ANKFY1: variants seen among roughly 807,000 people sequenced by gnomAD.
The protein encoded by ANKFY1 is ankyrin repeat and FYVE domain containing 1.
ANKFY1 carries 47 observed loss-of-function variants against 128.3 expected under a neutral mutation model. That is an observed-to-expected ratio of 0.37 (90% CI 0.29 to 0.47). The LOEUF is 0.47. ANKFY1 is among the 20% of genes least tolerant of loss of function. ANKFY1 has a pLI of 1.00. For synonymous variants in ANKFY1, 553 were observed against 601.6 expected (o/e 0.92, Z 1.18); for missense variants, 1,222 against 1,510.6 (o/e 0.81, Z 3.17).
intron 3 of ANKFY1, among the ~76,000 whole-genome samples, chr17:4,231,924 G>T (rs2060518696): frequency 6.8e-6 from 1 of 146,838 alleles, no homozygotes; most frequent in Non-Finnish European, 1.5e-5. Flanking sequence ...GTGACAGAGT[G>T]AAATCCTGTT....
Position 4,242,308 on chromosome 17 carries a change from T to A in ANKFY1, c.151A>T (p.Ile51Phe), listed in dbSNP as rs1470032386. 6.3e-7 allele frequency: 1 copy of A among 1,595,186 alleles called. No individual in the cohort carries two copies. The highest frequency in any genetic ancestry group is 1.1e-5 in the South Asian group (1 of 88,186). The change falls in exon 2 of 25, where the codon ATC (isoleucine) becomes TTC (phenylalanine). Residue 51 changes from isoleucine to phenylalanine, a missense_variant. Transcript: ENST00000341657. ...ANKESSSESFISRLLAIVADL... is the reference protein window; with the variant it reads ...ANKESSSESFFSRLLAIVADL... ...GCCACGATGGCCAGCAGACGGCTGA[T>A]GAAGGACTCGCTGCTGCTCTCCTTG... is the stretch of plus-strand genomic sequence containing the variant.
chr17:4,233,464 C>A lies in ANKFY1; in HGVS notation c.322+2308G>T, dbSNP rs547145346. On this transcript the variant is annotated intron_variant, in intron 3 of 24. Coordinates refer to ENST00000341657, the MANE Select transcript of ANKFY1 (RefSeq NM_001330063.2). The stretch of plus-strand genomic sequence containing the variant: ...CCAGGCAAATGTTTTTAGTTACTGG[C>A]ATGCAGGCATCTGCACATGTGTAGG... Among the ~76,000 whole-genome samples, 10 of 152,190 alleles carry A rather than the reference C, an allele frequency of 6.6e-5. No homozygotes were observed. The South Asian group carries it at 2.1e-3, about 32-fold the overall frequency.
chr17:4,198,011 C>G (rs1044201413), intron 7 of ANKFY1, among the ~76,000 whole-genome samples: 5 of 152,124 alleles, frequency 3.3e-5, no homozygotes, highest in African/African-American at 9.7e-5. Flanking sequence ...CGCCTGTAAT[C>G]CCAGCTACTT....
intron 1 of ANKFY1, among the ~76,000 whole-genome samples, chr17:4,244,651 C>T (rs1024868708): frequency 6.6e-6 from 1 of 152,094 alleles, no homozygotes; most frequent in Admixed American, 6.5e-5. Flanking sequence ...GAAAACTGAG[C>T]TACTGCCAAT....
chr17:4,255,116 G>A (rs890691976), intron 1 of ANKFY1, among the ~76,000 whole-genome samples: 2 of 151,808 alleles, frequency 1.3e-5, no homozygotes, highest in African/African-American at 2.4e-5. Context: ...AGCCACTCCA[G>A]TTCTAACCCA....
At chr17:4,208,151 G>T in intron 5 of ANKFY1, 69 bp from the exon 6 acceptor site, 1 of 1,480,726 alleles carries the variant, frequency 6.8e-7, no homozygotes, top group East Asian at 2.4e-5. Context: ...CATTTAGCAA[G>T]CCTCTCAAAT....
At chr17:4,200,073 TG>T (rs199745811) in intron 7 of ANKFY1, among the ~76,000 whole-genome samples, 197 of 150,566 alleles carry the variant, frequency 1.3e-3, no homozygotes, top group Non-Finnish European at 1.3e-3. Context: ...ATTTTTTTTT[TG>T]TTTTTGAGAC....
chr17:4,181,208 A>G lies in ANKFY1; in HGVS notation c.2240+46T>C, dbSNP rs1201224732. ...TTAAAAAGGAAAGAGCCAGTTTGCA[A>G]CAAGCTCACTAAAAAGCTGTGGAGA... On this transcript the variant is annotated intron_variant, in intron 16 of 24. Coordinates refer to ENST00000341657, the MANE Select transcript of ANKFY1 (RefSeq NM_001330063.2). This position sits in a 1 kb window ranked among gnomAD's most constrained non-coding sequence, Gnocchi z 4.9. 6.7e-7 allele frequency: 1 copy of G among 1,502,604 alleles called. No individual in the cohort carries two copies. Among genetic ancestry groups the G allele is most frequent in the South Asian group, 1.1e-5 (1 of 88,662 alleles). 93.1% of individuals were successfully genotyped at this position (1,502,604 alleles called of 1,614,324 possible). A position where few individuals can be genotyped will look rare whatever the true frequency, so the allele number is the denominator to read the frequency against.
chr17:4,172,173 C>T (rs1250903033), intron 22 of ANKFY1, among the ~76,000 whole-genome samples: 4 of 152,080 alleles, frequency 2.6e-5, no homozygotes, highest in Admixed American at 6.5e-5. Flanking sequence ...CAGAGCATGC[C>T]GACACATGAT....
intron 1 of ANKFY1, among the ~76,000 whole-genome samples, chr17:4,251,443 G>C (rs1324161241): frequency 2.0e-5 from 3 of 150,852 alleles, no homozygotes; most frequent in African/African-American, 7.3e-5. Context: ...CCATCTTCCT[G>C]TCTCTTTAAA....
chr17:4,222,176 C>CGCTGCT (rs1025654891), intron 3 of ANKFY1: 1 of 148,292 alleles, frequency 6.7e-6, no homozygotes, highest in Non-Finnish European at 1.5e-5. Flanking sequence ...CCGCCGCCGC[C>CGCTGCT]GCTGCTGCTA....
At chr17:4,231,747 C>A (rs1598117321) in intron 3 of ANKFY1, among the ~76,000 whole-genome samples, 1 of 151,830 alleles carries the variant, frequency 6.6e-6, no homozygotes, top group Admixed American at 6.6e-5. Context: ...GAGTTCAAGA[C>A]CAGCCTGGGC....
intron 11 of ANKFY1, among the ~76,000 whole-genome samples, chr17:4,186,123 G>A (rs2059606573): frequency 6.6e-6 from 1 of 152,146 alleles, no homozygotes; most frequent in Non-Finnish European, 1.5e-5. Flanking sequence ...ACACACGTAT[G>A]CACACACACA....
chr17:4,179,587 G>A (rs2059472291), intron 17 of ANKFY1, 134 bp downstream of exon 17: 8 of 1,143,002 alleles, frequency 7.0e-6, no homozygotes, highest in Admixed American at 2.3e-5. Flanking sequence ...AATCATGAAC[G>A]CTGCTAGGGA....
intron 4 of ANKFY1, among the ~76,000 whole-genome samples, chr17:4,215,511 T>TTATG (rs1348271322): frequency 1.3e-5 from 2 of 152,098 alleles, no homozygotes; most frequent in Admixed American, 6.6e-5. Context: ...AAGCATGTAA[T>TTATG]TCCTTCCAAG....
At chr17:4,232,919 C>T (rs1169038657) in intron 3 of ANKFY1, among the ~76,000 whole-genome samples, 3 of 151,668 alleles carry the variant, frequency 2.0e-5, no homozygotes, top group Admixed American at 1.3e-4. Context: ...TGGTGGCAGT[C>T]GATATTTCAC....
chr17:4,178,570 A>T lies in ANKFY1; in HGVS notation c.2598+287T>A, dbSNP rs1726727013. The T allele has an allele frequency of 2.2e-6, 1 of 453,274 alleles. No homozygotes were observed. The highest frequency in any genetic ancestry group is 3.4e-5 in the Admixed American group (1 of 29,402). The allele number at this position is 453,274 out of a possible 1,614,324, so 28.1% of individuals were successfully genotyped here. ...TAGGACAGTTAACCAACCTAGCAAA[A>T]GCAAAGAATGAGCTCAACTGTACAT... On this transcript the variant is annotated intron_variant, in intron 18 of 24. Coordinates refer to ENST00000341657, the MANE Select transcript of ANKFY1 (RefSeq NM_001330063.2). The surrounding 1 kb of genome is among the most constrained non-coding windows in gnomAD (Gnocchi z 4.1).
At chr17:4,246,086 T>C (rs1163888534) in intron 1 of ANKFY1, among the ~76,000 whole-genome samples, 1 of 151,482 alleles carries the variant, frequency 6.6e-6, no homozygotes, top group Non-Finnish European at 1.5e-5. Flanking sequence ...AGAAAAAAAA[T>C]TATGAGTAAT....
chr17:4,250,937 T>C (rs1007584167), intron 1 of ANKFY1, among the ~76,000 whole-genome samples: 1 of 152,120 alleles, frequency 6.6e-6, no homozygotes, highest in Non-Finnish European at 1.5e-5. Context: ...AGACAGCTGA[T>C]TCTAAAATTT....
Sources: allele counts gnomAD v4.1 joint callset (sites outside exome capture counted in the v4.1 genomes callset), GRCh38; gene constraint gnomAD v4.1.1; non-coding constraint Gnocchi (gnomAD v3.1); transcripts MANE v1.5; gene names NCBI Gene and HGNC (gene_info 2026-07-23, HGNC 2026-07-21).